SLC12A8: variants seen among roughly 807,000 people sequenced by gnomAD.
SLC12A8 encodes solute carrier family 12 member 8.
A neutral mutation model predicts 75.6 loss-of-function variants in SLC12A8; 69 were observed. The ratio of observed to expected loss-of-function variants is 0.91; its 90% confidence interval spans 0.75 to 1.11. SLC12A8 has a LOEUF of 1.11. Among genes scored for constraint, SLC12A8 ranks in the 50% most tolerant of loss-of-function variants. SLC12A8 has a pLI of 0.00. For synonymous variants in SLC12A8, 365 were observed against 372.8 expected, an observed-to-expected ratio of 0.98 and a Z score of 0.24; for missense variants, 877 against 896.7, an observed-to-expected ratio of 0.98 and a Z score of 0.28.
chr3:125,197,491 G>A (rs1434171333), intron 2 of SLC12A8, among the ~76,000 whole-genome samples: 5 of 152,020 alleles, frequency 3.3e-5, no homozygotes, highest in Admixed American at 6.6e-5. Context: ...AGAGTTTTGC[G>A]CTGTTGCCCA....
chr3:125,113,393 T>G (rs929982871), intron 8 of SLC12A8, among the ~76,000 whole-genome samples: 2 of 152,368 alleles, frequency 1.3e-5, no homozygotes, highest in Admixed American at 6.5e-5. Context: ...CACATCTAGA[T>G]AAATTATAAA....
chr3:125,086,264 A>G lies in SLC12A8; in HGVS notation c.1982+2046T>C, dbSNP rs894191624. ...GGTAAGGCCAATAAGTTTGATGTTG[A>G]CTTAGCTGAGGCCTCTGCTCCCCAC... is the stretch of plus-strand genomic sequence containing the variant. On this transcript the variant is annotated intron_variant, in intron 13 of 13. Coordinates refer to ENST00000469902, the MANE Select transcript of SLC12A8 (RefSeq NM_024628.6). Among the ~76,000 whole-genome samples, 4 of 152,124 alleles carry G rather than the reference A, an allele frequency of 2.6e-5. No homozygotes were observed. In the East Asian group the frequency reaches 7.7e-4, roughly 29 times the overall value.
intron 5 of SLC12A8, 133 bp from the exon 6 acceptor site, chr3:125,135,915 C>T (rs1933481662): frequency 2.0e-6 from 1 of 498,238 alleles, no homozygotes; most frequent in Non-Finnish European, 3.6e-6. Context: ...CACACAGCGA[C>T]AGAGCGGGTC....
At chr3:125,092,040 A>T in intron 11 of SLC12A8, 61 bp downstream of exon 11, 2 of 1,192,848 alleles carry the variant, frequency 1.7e-6, no homozygotes, top group Non-Finnish European at 2.5e-6. Context: ...GCCCAAGATC[A>T]CACATGTGTC....
rs540784581 is a variant in SLC12A8 at position 125,160,506 on chromosome 3, G to C, written c.622+17237C>G. Among the ~76,000 whole-genome samples the C allele has an allele frequency of 2.0e-5, 3 of 152,292 alleles. No individual in the cohort carries two copies. The East Asian group carries it at 5.8e-4, about 29-fold the overall frequency. On this transcript the variant is annotated intron_variant, in intron 5 of 13. Coordinates refer to ENST00000469902, the MANE Select transcript of SLC12A8 (RefSeq NM_024628.6). ...CAAGTGAAGTTCTTTCCATCCAAAG[G>C]TCCACAAGTCCTGACCCTTGCTGAG...
At chr3:125,097,259 C>T (rs1214727632) in intron 10 of SLC12A8, among the ~76,000 whole-genome samples, 2 of 151,774 alleles carry the variant, frequency 1.3e-5, no homozygotes, top group African/African-American at 4.8e-5. Flanking sequence ...CATGGTGGAA[C>T]GCACCTGTAA....
chr3:125,189,371 C>T (rs570206543), intron 3 of SLC12A8, among the ~76,000 whole-genome samples: 17 of 152,216 alleles, frequency 1.1e-4, no homozygotes, highest in Non-Finnish European at 2.4e-4. Context: ...AGATTCTACA[C>T]CTTGAATGGC....
At chr3:125,198,810 C>A (rs1230986905) in intron 2 of SLC12A8, among the ~76,000 whole-genome samples, 3 of 148,940 alleles carry the variant, frequency 2.0e-5, no homozygotes, top group Non-Finnish European at 4.4e-5. Flanking sequence ...TGGAGTCTCG[C>A]TCTATCACCC....
rs899853597 is a variant in SLC12A8 at position 125,119,104 on chromosome 3, T to C, written c.825-248A>G. 7 of 342,832 alleles carry C rather than the reference T, an allele frequency of 2.0e-5. 1 individual carries two copies. Among genetic ancestry groups the C allele is most frequent in the East Asian group, 5.8e-5 (1 of 17,330 alleles). The allele number at this position is 342,832 out of a possible 1,614,324, so 21.2% of individuals were successfully genotyped here. ...TTACTTTTAAATATATATAAAAATATGGAACACTTCACGAATTTGCATGTC... is the reference window on the plus strand; with the variant it reads ...TTACTTTTAAATATATATAAAAATACGGAACACTTCACGAATTTGCATGTC... On this transcript the variant is annotated intron_variant, in intron 7 of 13. Transcript: ENST00000469902.
chr3:125,135,572 T>C (rs1933465971), intron 6 of SLC12A8, 97 bp downstream of exon 6: 2 of 657,674 alleles, frequency 3.0e-6, no homozygotes, highest in Non-Finnish European at 5.0e-6. Context: ...TGGATATACA[T>C]ACCAAGAGTA....
At chr3:125,090,715 C>T (rs1344369650) in intron 12 of SLC12A8, among the ~76,000 whole-genome samples, 2 of 152,156 alleles carry the variant, frequency 1.3e-5, no homozygotes, top group Non-Finnish European at 2.9e-5. Context: ...CTCTACTTTG[C>T]CTAATGTTAA....
Position 125,091,486 on chromosome 3 carries a change from G to T in SLC12A8, c.1874C>A (p.Ala625Asp), listed in dbSNP as rs201265526. 6.2e-7 allele frequency: 1 copy of T among 1,613,944 alleles called. No individual in the cohort carries two copies. The highest frequency in any genetic ancestry group is 1.1e-5 in the South Asian group (1 of 91,076). The stretch of plus-strand genomic sequence containing the variant: ...CCGGCCAATGTAGAAATACACGATG[G>T]CAGCAACACCCATGTTAACCAGGGT... Reference protein sequence around the residue: ...VYTLVNMGVAAIVYFYIGRAS... With the variant: ...VYTLVNMGVADIVYFYIGRAS... Residue 625 changes from alanine (A) to aspartate (D), a missense_variant, in exon 12 of 14, where the codon GCC (alanine) becomes GAC (aspartate). Transcript: ENST00000469902.
chr3:125,168,430 C>G (rs887969126), intron 5 of SLC12A8, among the ~76,000 whole-genome samples: 1 of 152,170 alleles, frequency 6.6e-6, no homozygotes, highest in Non-Finnish European at 1.5e-5. Flanking sequence ...CCGACAGGAG[C>G]TGGCGATATG....
intron 5 of SLC12A8, chr3:125,151,679 A>G (rs1160045060): frequency 6.6e-6 from 1 of 152,258 alleles, no homozygotes; most frequent in East Asian, 1.9e-4. Flanking sequence ...AGGGAGGATG[A>G]CCACGATAAC....
chr3:125,178,050 A>G (rs1447990684), intron 4 of SLC12A8, 76 bp from the exon 5 acceptor site: 3 of 1,207,294 alleles, frequency 2.5e-6, no homozygotes, highest in Admixed American at 2.0e-5. Flanking sequence ...CCCAGCGCTG[A>G]GAACCCTGCA....
chr3:125,092,200 T>TA lies in SLC12A8; in HGVS notation c.1706-3dup, dbSNP rs1174350269. Reference sequence around the variant, plus strand: ...GGAGCCTGGACTTCAGGAAGAAATCTAAAAAATAGCCAAAGATTTGGCTGC... The same window carrying TA: ...GGAGCCTGGACTTCAGGAAGAAATCTAAAAAAATAGCCAAAGATTTGGCTGC... On this transcript the variant is annotated splice_polypyrimidine_tract_variant and splice_region_variant and intron_variant, in intron 10 of 13. Transcript: ENST00000469902. 1 of 1,609,786 alleles carries TA rather than the reference T, an allele frequency of 6.2e-7. No homozygotes were observed. Among genetic ancestry groups the TA allele is most frequent in the Non-Finnish European group, 8.5e-7 (1 of 1,176,628 alleles).
chr3:125,158,300 A>G (rs1188498138), intron 5 of SLC12A8, among the ~76,000 whole-genome samples: 1 of 151,480 alleles, frequency 6.6e-6, no homozygotes, highest in Admixed American at 6.6e-5. Context: ...GGCTCATTAC[A>G]GCTCCTGCCT....
chr3:125,123,469 G>A (rs36073986), intron 6 of SLC12A8: 27,355 of 151,614 alleles, frequency 0.18, 2,799 homozygotes, highest in East Asian at 0.35. Context: ...AAAGTTATCC[G>A]GGCATGGTGG....
intron 5 of SLC12A8, among the ~76,000 whole-genome samples, chr3:125,140,077 C>T (rs1449455634): frequency 6.6e-6 from 1 of 152,198 alleles, no homozygotes; most frequent in Admixed American, 6.5e-5. Context: ...GGACAGCAGC[C>T]CTGAGAGTGA....
Sources: gnomAD v4.1 joint callset for allele counts (sites outside exome capture counted in the v4.1 genomes callset) on GRCh38, gnomAD v4.1.1 for gene constraint, MANE v1.5 for transcripts, NCBI Gene and HGNC (gene_info 2026-07-23, HGNC 2026-07-21) for gene names.